Variants in FBXW7 observed in about 807,000 individuals in gnomAD.
The protein encoded by FBXW7 is F-box and WD repeat domain containing 7.
FBXW7 carries 11 observed loss-of-function variants against 86.3 expected under a neutral mutation model. That is an observed-to-expected ratio of 0.13 (90% confidence interval 0.08 to 0.21). The LOEUF (loss-of-function observed/expected upper bound fraction) is 0.21, where lower values mean the gene tolerates loss of function less well. FBXW7 is among the 10% of genes least tolerant of loss of function. The pLI is 1.00. For missense variants in FBXW7, 488 were observed against 847.4 expected (o/e 0.58, Z 5.27); for synonymous variants, 313 against 297.9 (o/e 1.05, Z -0.52).
Position 152,321,010 on chromosome 4 carries a change from ACACCC to A in FBXW7, c.*1866_*1870del, listed in dbSNP as rs1728521638. 6.0e-6 allele frequency: 1 copy of A among 166,788 alleles called. No individual in the cohort carries two copies. Among genetic ancestry groups the A allele is most frequent in the Non-Finnish European group, 1.3e-5 (1 of 76,552 alleles). The allele number at this position is 166,788 out of a possible 1,614,324, so 10.3% of individuals were successfully genotyped here. On this transcript the variant is annotated 3_prime_UTR_variant, in exon 14 of 14. Coordinates refer to ENST00000281708, the MANE Select transcript of FBXW7 (RefSeq NM_001349798.2). ...TGAGGGAACCAGATTTCATATTTAT[ACACCC>A]CAATGCAATCTACAGAGATGAGCAC... is the stretch of plus-strand genomic sequence containing the variant.
At chr4:152,419,109 T>C (rs1738712936) in intron 2 of FBXW7, among the ~76,000 whole-genome samples, 1 of 152,294 alleles carries the variant, frequency 6.6e-6, no homozygotes, top group Non-Finnish European at 1.5e-5. Context: ...TTATTCATAT[T>C]GCTTTGGCTT....
At chr4:152,442,689 T>A (rs1342516989) in intron 2 of FBXW7, among the ~76,000 whole-genome samples, 1 of 152,198 alleles carries the variant, frequency 6.6e-6, no homozygotes, top group Non-Finnish European at 1.5e-5. Flanking sequence ...ACTCATTATA[T>A]ACTTTGCTCT....
intron 4 of FBXW7, among the ~76,000 whole-genome samples, chr4:152,376,807 C>T (rs1415457817): frequency 6.6e-6 from 1 of 151,836 alleles, no homozygotes; most frequent in Admixed American, 6.6e-5. Context: ...AGTTGCCTGA[C>T]CCCAGACCCT....
chr4:152,357,964 C>T lies in FBXW7; in HGVS notation c.502-7840G>A, dbSNP rs374982627. ...ACTAATACTAAGTCAACATCCTCTA[C>T]TTTTTCACAGACAGCCGGCATCAGT... On this transcript the variant is annotated intron_variant, in intron 4 of 13. Transcript: ENST00000281708. Among the ~76,000 whole-genome samples the T allele has an allele frequency of 2.0e-5, 3 of 152,240 alleles. No individual in the cohort carries two copies. In the East Asian group the frequency reaches 5.8e-4, roughly 29 times the overall value.
At chr4:152,523,909 T>C (rs1466884961) in intron 2 of FBXW7, among the ~76,000 whole-genome samples, 5 of 152,338 alleles carry the variant, frequency 3.3e-5, no homozygotes, top group Non-Finnish European at 2.9e-5. Flanking sequence ...CCTGGCATAG[T>C]AGGTGTTCAG....
chr4:152,441,565 C>T (rs1275076220), intron 2 of FBXW7, among the ~76,000 whole-genome samples: 1 of 152,124 alleles, frequency 6.6e-6, no homozygotes, highest in Non-Finnish European at 1.5e-5. Context: ...TTTCAATTCA[C>T]TCTTAATGAA....
intron 2 of FBXW7, among the ~76,000 whole-genome samples, chr4:152,439,579 T>C (rs913463859): frequency 1.3e-5 from 2 of 152,006 alleles, no homozygotes; most frequent in African/African-American, 4.8e-5. Flanking sequence ...ACTATGGTTA[T>C]TTAAAGAAGT....
intron 6 of FBXW7, 80 bp from the exon 7 acceptor site, chr4:152,338,016 C>T: frequency 1.4e-6 from 2 of 1,416,648 alleles, no homozygotes. Flanking sequence ...CTCACATCTA[C>T]ACACAACCAT....
At chr4:152,427,659 C>T (rs772328367) in intron 2 of FBXW7, among the ~76,000 whole-genome samples, 5 of 152,210 alleles carry the variant, frequency 3.3e-5, no homozygotes, top group Admixed American at 6.5e-5. Flanking sequence ...GCAGTTTCCA[C>T]ACCTTTTGGT....
At chr4:152,505,815 C>G (rs1342375613) in intron 2 of FBXW7, among the ~76,000 whole-genome samples, 4 of 151,332 alleles carry the variant, frequency 2.6e-5, no homozygotes, top group Non-Finnish European at 5.9e-5. Context: ...TATACTGGCT[C>G]ACTGCTACCT....
intron 4 of FBXW7, among the ~76,000 whole-genome samples, chr4:152,373,421 G>A (rs1711991563): frequency 6.6e-6 from 1 of 151,974 alleles, no homozygotes; most frequent in Non-Finnish European, 1.5e-5. Flanking sequence ...TAAGCTCCAT[G>A]AGGGCATGGC....
At chr4:152,394,663 G>A (rs1736268780) in intron 4 of FBXW7, among the ~76,000 whole-genome samples, 1 of 152,056 alleles carries the variant, frequency 6.6e-6, no homozygotes, top group African/African-American at 2.4e-5. Context: ...GCATAGACTT[G>A]TAACATTACA....
intron 2 of FBXW7, among the ~76,000 whole-genome samples, chr4:152,483,637 G>A (rs1216425197): frequency 2.0e-5 from 3 of 152,056 alleles, no homozygotes; most frequent in Non-Finnish European, 4.4e-5. Context: ...GGTCAAGGCT[G>A]CAATGAGCCA....
chr4:152,385,234 C>T (rs868492852), intron 4 of FBXW7, among the ~76,000 whole-genome samples: 1 of 151,894 alleles, frequency 6.6e-6, no homozygotes, highest in African/African-American at 2.4e-5. Flanking sequence ...ATGTGATACT[C>T]CAATGCAGAA....
chr4:152,516,600 C>T (rs1047113194), intron 2 of FBXW7, among the ~76,000 whole-genome samples: 18 of 152,194 alleles, frequency 1.2e-4, no homozygotes, highest in African/African-American at 4.3e-4. Flanking sequence ...TATTATTTCT[C>T]TTAAAGGCTG....
intron 2 of FBXW7, among the ~76,000 whole-genome samples, chr4:152,417,262 C>T (rs571620510): frequency 6.6e-6 from 1 of 152,292 alleles, no homozygotes; most frequent in Non-Finnish European, 1.5e-5. Flanking sequence ...CCACAACATG[C>T]ACACATACGT....
At chr4:152,430,431 T>C (rs1456851325) in intron 2 of FBXW7, among the ~76,000 whole-genome samples, 1 of 152,154 alleles carries the variant, frequency 6.6e-6, no homozygotes, top group African/African-American at 2.4e-5. Flanking sequence ...ACATAAGATA[T>C]TGTTTACTGA....
chr4:152,441,700 T>G (rs1396474825), intron 2 of FBXW7, among the ~76,000 whole-genome samples: 1 of 152,194 alleles, frequency 6.6e-6, no homozygotes, highest in Non-Finnish European at 1.5e-5. Context: ...ACTTGCTGGT[T>G]ATGCCAAATT....
chr4:152,393,125 G>A (rs1407830521), intron 4 of FBXW7, among the ~76,000 whole-genome samples: 1 of 152,098 alleles, frequency 6.6e-6, no homozygotes, highest in East Asian at 1.9e-4. Context: ...TGCCATGTAA[G>A]TACATGTGCC....
Sources: gnomAD v4.1 joint callset for allele counts (sites outside exome capture counted in the v4.1 genomes callset) on GRCh38, gnomAD v4.1.1 for gene constraint, MANE v1.5 for transcripts, NCBI Gene and HGNC (gene_info 2026-07-23, HGNC 2026-07-21) for gene names.